IDH3A: variants seen among roughly 807,000 people sequenced by gnomAD.
The protein encoded by IDH3A is isocitrate dehydrogenase (NAD(+)) 3 catalytic subunit alpha.
IDH3A carries 23 observed loss-of-function variants against 43.3 expected under a neutral mutation model. The observed-to-expected ratio is 0.53, with a 90% CI of 0.38 to 0.75. The LOEUF (loss-of-function observed/expected upper bound fraction) is 0.75, where lower values mean the gene tolerates loss of function less well. Among genes scored for constraint, IDH3A ranks in the 30% least tolerant of loss-of-function variants. The probability of loss-of-function intolerance (pLI) is 0.00; values close to 1 mark genes in which losing one functional copy is unlikely to be tolerated. For missense variants in IDH3A, 329 were observed against 474.4 expected (o/e 0.69, Z 2.85); for synonymous variants, 154 against 163.5 (o/e 0.94, Z 0.44).
At chr15:78,155,961 C>T (rs2074619805) in intron 2 of IDH3A, among the ~76,000 whole-genome samples, 1 of 152,186 alleles carries the variant, frequency 6.6e-6, no homozygotes. Flanking sequence ...TCCCATATAA[C>T]ATCTATGCCG....
chr15:78,157,252 A>G, intron 2 of IDH3A: 1 of 869,452 alleles, frequency 1.2e-6, no homozygotes. Flanking sequence ...TCTGAAAAGA[A>G]ATATCAATTA....
chr15:78,151,646 G>A lies in IDH3A; in HGVS notation c.27+2216G>A, dbSNP rs1224036711. 3.3e-5 allele frequency: 5 copies of A among 151,946 alleles called. No individual in the cohort carries two copies. The East Asian group carries it at 7.7e-4, about 23-fold the overall frequency. The allele number at this position is 151,946 out of a possible 1,614,324, so 9.4% of individuals were successfully genotyped here. On this transcript the variant is annotated intron_variant, in intron 1 of 10. Coordinates refer to ENST00000299518, the MANE Select transcript of IDH3A (RefSeq NM_005530.3). ...ATTTACATGTTTTTAAGTTAAAAAG[G>A]AAATGAGTTGTGGATTAAGATGGCC...
At chr15:78,160,960 C>T (rs1188981168) in intron 4 of IDH3A, among the ~76,000 whole-genome samples, 7 of 152,204 alleles carry the variant, frequency 4.6e-5, no homozygotes. Context: ...CGGCTCACTA[C>T]AACCTCCGCC....
At chr15:78,156,891 A>G (rs765632341) in intron 2 of IDH3A, 11 of 1,350,724 alleles carry the variant, frequency 8.1e-6, no homozygotes, top group Middle Eastern at 2.1e-4. Context: ...GACATATACT[A>G]TTCTTTTTGG....
Position 78,162,311 on chromosome 15 carries a change from G to A in IDH3A, c.555G>A (p.Glu185=). 6.2e-7 allele frequency: 1 copy of A among 1,614,116 alleles called. No homozygotes were observed. The highest frequency in any genetic ancestry group is 8.5e-7 in the Non-Finnish European group (1 of 1,180,026). The part of the protein sequence containing the change: ...ASKRIAEFAF[E]YARNNHRSNV... ...AGCGCATTGCTGAGTTTGCCTTTGAGTATGCCCGGAACAACCACCGGAGCA... is the reference window on the plus strand; with the variant it reads ...AGCGCATTGCTGAGTTTGCCTTTGAATATGCCCGGAACAACCACCGGAGCA... Residue 185 remains glutamate, a synonymous_variant, in exon 6 of 11, where the codon GAG becomes GAA. Coordinates refer to ENST00000299518, the MANE Select transcript of IDH3A (RefSeq NM_005530.3).
intron 6 of IDH3A, 76 bp downstream of exon 6, chr15:78,162,443 C>T: frequency 1.3e-6 from 2 of 1,505,092 alleles, no homozygotes; most frequent in Admixed American, 3.7e-5. Context: ...CCTTTCTCCT[C>T]TTCAGCTTGT....
rs991403116 is a variant in IDH3A at position 78,149,395 on chromosome 15, G to C, written c.-9G>C. The stretch of plus-strand genomic sequence containing the variant: ...TGCGGCTGTTGCTGCGGAGCCAGGA[G>C]GGGAAGCGATGGCTGGGCCCGCGTG... On this transcript the variant is annotated 5_prime_UTR_variant, in exon 1 of 11. Coordinates refer to ENST00000299518, the MANE Select transcript of IDH3A (RefSeq NM_005530.3). 3 of 1,547,690 alleles carry C rather than the reference G, an allele frequency of 1.9e-6. No homozygotes were observed. Among genetic ancestry groups the C allele is most frequent in the South Asian group, 1.2e-5 (1 of 84,516 alleles).
intron 3 of IDH3A, among the ~76,000 whole-genome samples, chr15:78,158,777 A>T: frequency 6.6e-6 from 1 of 150,544 alleles, no homozygotes; most frequent in Non-Finnish European, 1.5e-5. Flanking sequence ...ACAATGTAAT[A>T]TTGTTTTTTA....
chr15:78,163,635 C>A, intron 7 of IDH3A, 26 bp downstream of exon 7: 1 of 1,554,958 alleles, frequency 6.4e-7, no homozygotes, highest in Non-Finnish European at 8.9e-7. Context: ...CACTTACCTG[C>A]TACTTTTTAT....
chr15:78,160,842 A>G (rs7178474), intron 4 of IDH3A, among the ~76,000 whole-genome samples: 113 of 151,290 alleles, frequency 7.5e-4, no homozygotes, highest in African/African-American at 2.7e-3. Context: ...TAAGGCCATA[A>G]TTCAAAAATA....
Position 78,170,641 on chromosome 15 carries a change from G to A in IDH3A, c.*1636G>A, listed in dbSNP as rs1267635858. 6.6e-6 allele frequency: 1 copy of A among 152,236 alleles called. No individual in the cohort carries two copies. 9.4% of individuals were successfully genotyped at this position (152,236 alleles called of 1,614,324 possible). A position where few individuals can be genotyped will look rare whatever the true frequency, so the allele number is the denominator to read the frequency against. On this transcript the variant is annotated 3_prime_UTR_variant, in exon 11 of 11. Transcript: ENST00000299518. ...GCTGCTTCCCGTATTCAGAATGGAA[G>A]TGGGGTGGTCTGGTGGCGACAGGCT...
At chr15:78,154,305 A>C (rs2074606797) in intron 1 of IDH3A, 1 of 152,144 alleles carries the variant, frequency 6.6e-6, no homozygotes, top group African/African-American at 2.4e-5. Context: ...AGTAATGACC[A>C]CATTACCTAT....
intron 5 of IDH3A, among the ~76,000 whole-genome samples, 199 bp from the exon 6 acceptor site, chr15:78,162,035 G>A (rs2074685743): frequency 2.6e-5 from 4 of 152,166 alleles, no homozygotes; most frequent in African/African-American, 7.2e-5. Context: ...TTCTTCATCT[G>A]TGCAGTGGGG....
chr15:78,168,798 G>A, intron 10 of IDH3A, 124 bp from the exon 11 acceptor site: 1 of 651,244 alleles, frequency 1.5e-6, no homozygotes, highest in Non-Finnish European at 2.8e-6. Context: ...TTTGAAATGA[G>A]GAACTAAATG....
intron 9 of IDH3A, 54 bp downstream of exon 9, chr15:78,165,130 A>T (rs569402499): frequency 9.5e-7 from 1 of 1,049,830 alleles, no homozygotes; most frequent in African/African-American, 1.6e-5. Flanking sequence ...GTGTGAACTC[A>T]GGAGGAGTTA....
In IDH3A at chr15:78,166,232, G is replaced by A. The variant is rs762865075; in HGVS notation, c.947G>A (p.Arg316His). The A allele has an allele frequency of 1.1e-5, 17 of 1,614,152 alleles. No homozygotes were observed. The highest frequency in any genetic ancestry group is 2.2e-5 in the East Asian group (1 of 44,878). ...ALLLSAVMML[R>H]HMGLFDHAAR... ...CTGCTCAGTGCCGTGATGATGCTGC[G>A]CCACATGGGACTTTTTGACCATGCT... is the stretch of plus-strand genomic sequence containing the variant. The change falls in exon 10 of 11, where the codon CGC becomes CAC. Residue 316 changes from arginine to histidine, a missense_variant. Coordinates refer to ENST00000299518, the MANE Select transcript of IDH3A (RefSeq NM_005530.3).
At chr15:78,158,448 C>T (rs7165190) in intron 3 of IDH3A, among the ~76,000 whole-genome samples, 9 of 28,230 alleles carry the variant, frequency 3.2e-4, no homozygotes, top group South Asian at 2.3e-3. Context: ...TACATACATA[C>T]ATATATATAT....
intron 4 of IDH3A, among the ~76,000 whole-genome samples, chr15:78,160,720 C>CTAA (rs2074673540): frequency 6.6e-6 from 1 of 152,164 alleles, no homozygotes; most frequent in African/African-American, 2.4e-5. Context: ...TCTGGAATAC[C>CTAA]TAAGCTCAAG....
chr15:78,162,748 G>A (rs1372549056), intron 6 of IDH3A, among the ~76,000 whole-genome samples: 2 of 152,114 alleles, frequency 1.3e-5, no homozygotes, highest in South Asian at 2.1e-4. Flanking sequence ...GTTTCACCAT[G>A]TTGGCCAGGC....
Sources: gnomAD v4.1 joint callset for allele counts (sites outside exome capture counted in the v4.1 genomes callset) on GRCh38, gnomAD v4.1.1 for gene constraint, MANE v1.5 for transcripts, NCBI Gene and HGNC (gene_info 2026-07-23, HGNC 2026-07-21) for gene names.